Variants in EP300 observed in about 807,000 individuals in gnomAD.
The protein encoded by EP300 is histone acetyltransferase p300.
A neutral mutation model predicts 264.0 loss-of-function variants in EP300; 31 were observed. The ratio of observed to expected loss-of-function variants is 0.12; its 90% CI spans 0.09 to 0.16. The LOEUF (loss-of-function observed/expected upper bound fraction) is 0.16, where lower values mean the gene tolerates loss of function less well. Ranked by LOEUF, EP300 falls within the 10% of genes least tolerant of loss-of-function variation. The pLI, the probability that EP300 is intolerant of heterozygous loss-of-function variation, is 1.00. For missense variants in EP300, 2,766 were observed against 3,052.9 expected (o/e 0.91, Z 2.21); for synonymous variants, 1,340 against 1,045.4 (o/e 1.28, Z -5.44).
At chr22:41,109,549 T>C (rs568780569) in intron 1 of EP300, among the ~76,000 whole-genome samples, 6 of 152,314 alleles carry the variant, frequency 3.9e-5, no homozygotes, top group Admixed American at 3.3e-4. Flanking sequence ...CTCCTAATAG[T>C]GTAATGAGTC....
At chr22:41,171,563 C>T (rs912769930) in intron 27 of EP300, among the ~76,000 whole-genome samples, 4 of 151,910 alleles carry the variant, frequency 2.6e-5, no homozygotes, top group African/African-American at 7.3e-5. Flanking sequence ...TCTCAAACTC[C>T]TGAGCTCAAG....
intron 9 of EP300, 119 bp downstream of exon 9, chr22:41,140,376 C>G: frequency 1.3e-6 from 1 of 795,254 alleles, no homozygotes; most frequent in Non-Finnish European, 2.3e-6. Flanking sequence ...CTGTAGCTAT[C>G]CCGTCTTATT....
chr22:41,105,062 T>A (rs1388912442), intron 1 of EP300, among the ~76,000 whole-genome samples: 1 of 151,530 alleles, frequency 6.6e-6, no homozygotes, highest in African/African-American at 2.4e-5. Context: ...CCGGGCGTAG[T>A]GGCGGGCGCC....
intron 1 of EP300, among the ~76,000 whole-genome samples, chr22:41,097,377 A>C (rs1601585550): frequency 6.6e-6 from 1 of 152,164 alleles, no homozygotes; most frequent in East Asian, 1.9e-4. Flanking sequence ...GAGGGAGGAA[A>C]GGGTTTCTGC....
At chr22:41,124,803 T>G (rs545046397) in intron 2 of EP300, among the ~76,000 whole-genome samples, 1 of 152,296 alleles carries the variant, frequency 6.6e-6, no homozygotes, top group East Asian at 1.9e-4. Context: ...ATTAAAAGTA[T>G]TTCTAAAACA....
At chr22:41,142,461 G>C (rs1002163109) in intron 10 of EP300, among the ~76,000 whole-genome samples, 2 of 152,156 alleles carry the variant, frequency 1.3e-5, no homozygotes, top group African/African-American at 4.8e-5. Flanking sequence ...ATACATGGAG[G>C]CTGCCCAATA....
rs2059213395 is a variant in EP300, at chr22:41,178,081, G to A, written c.6370G>A (p.Val2124Ile). The stretch of plus-strand genomic sequence containing the variant: ...ACCTACCATGCCAGGTCAGCAGGGG[G>A]TCCACTCCAATCCAGCCATGCAGAA... ...QPPTMPGQQG[V>I]HSNPAMQNMN... Residue 2124 changes from valine (V) to isoleucine (I), a missense_variant, in exon 31 of 31, where the codon GTC (valine) becomes ATC (isoleucine). Coordinates refer to ENST00000263253, the MANE Select transcript of EP300 (RefSeq NM_001429.4). 2.5e-6 allele frequency: 4 copies of A among 1,614,108 alleles called. No individual in the cohort carries two copies. The highest frequency in any genetic ancestry group is 2.2e-5 in the South Asian group (2 of 91,076).
chr22:41,137,063 A>G (rs2058955092), intron 7 of EP300, among the ~76,000 whole-genome samples: 1 of 137,626 alleles, frequency 7.3e-6, no homozygotes, highest in Non-Finnish European at 1.6e-5. Flanking sequence ...CCATCTCAAG[A>G]AGGAAAAAAA....
intron 26 of EP300, 75 bp downstream of exon 26, chr22:41,169,691 A>G: frequency 1.2e-6 from 1 of 859,204 alleles, no homozygotes; most frequent in Non-Finnish European, 2.0e-6. Flanking sequence ...TAAATATGCA[A>G]ATATATAACT....
In EP300 at chr22:41,149,881, C is replaced by A. The variant is rs538738624; in HGVS notation, c.2500C>A (p.Pro834Thr). 7 of 1,614,074 alleles carry A rather than the reference C, an allele frequency of 4.3e-6. No homozygotes were observed. The Admixed American group carries it at 1.2e-4, about 27-fold the overall frequency. Residue 834 changes from proline to threonine, a missense_variant, in exon 14 of 31, where the codon CCT (proline) becomes ACT (threonine). Coordinates refer to ENST00000263253, the MANE Select transcript of EP300 (RefSeq NM_001429.4). ...AGCTCTTCATCAGAATTCACCCTCG[C>A]CTGTACCTAGTCGTACCCCCACCCC... ...QPALHQNSPS[P>T]VPSRTPTPHH...
At chr22:41,122,783 T>C (rs1032752839) in intron 2 of EP300, among the ~76,000 whole-genome samples, 2 of 152,054 alleles carry the variant, frequency 1.3e-5, no homozygotes, top group Admixed American at 6.6e-5. Flanking sequence ...AGGCCAGGCA[T>C]GGTGGGAGAT....
intron 1 of EP300, 129 bp downstream of exon 1, chr22:41,093,227 T>C (rs745723078): frequency 5.2e-6 from 5 of 958,238 alleles, no homozygotes; most frequent in Non-Finnish European, 7.9e-6. Context: ...TTAAAGGTAT[T>C]TGAATGAGCT....
At chr22:41,103,764 G>C (rs1406438952) in intron 1 of EP300, among the ~76,000 whole-genome samples, 1 of 152,160 alleles carries the variant, frequency 6.6e-6, no homozygotes, top group Non-Finnish European at 1.5e-5. Flanking sequence ...CTTAGCATCA[G>C]GATAAGAATT....
At chr22:41,128,181 G>A (rs995769432) in intron 4 of EP300, among the ~76,000 whole-genome samples, 14 of 152,066 alleles carry the variant, frequency 9.2e-5, no homozygotes, top group East Asian at 5.8e-4. Flanking sequence ...AAGGTTGGGC[G>A]CAGTGGCTCA....
chr22:41,123,560 G>C (rs1601602193), intron 2 of EP300, among the ~76,000 whole-genome samples: 2 of 152,208 alleles, frequency 1.3e-5, no homozygotes, highest in East Asian at 3.8e-4. Context: ...TAGTGTCTAT[G>C]TGTGCTTTTA....
In EP300 at chr22:41,115,763, A is replaced by G. The variant is rs568132627; in HGVS notation, c.95-1424A>G. 3.3e-5 allele frequency among the ~76,000 whole-genome samples: 5 copies of G among 152,328 alleles called. 1 individual carries two copies. In the South Asian group the frequency reaches 1.0e-3, roughly 32 times the overall value. ...TTTGTATGGTGAAGGAGCCAGAGGC[A>G]TGGTGTTGTACCCTATTCTGGCTAG... On this transcript the variant is annotated intron_variant, in intron 1 of 30. Coordinates refer to ENST00000263253, the MANE Select transcript of EP300 (RefSeq NM_001429.4).
intron 6 of EP300, among the ~76,000 whole-genome samples, chr22:41,134,713 A>C (rs2058940054): frequency 6.6e-6 from 1 of 152,120 alleles, no homozygotes; most frequent in African/African-American, 2.4e-5. Flanking sequence ...TTAAATAATT[A>C]TTGAGTGACG....
intron 11 of EP300, among the ~76,000 whole-genome samples, chr22:41,147,513 A>G (rs978398441): frequency 3.1e-4 from 47 of 152,026 alleles, no homozygotes; most frequent in African/African-American, 1.1e-3. Context: ...TGAGGCGGGC[A>G]GATCACAAGG....
Position 41,125,961 on chromosome 22 carries a change from C to G in EP300, c.827C>G (p.Thr276Arg), listed in dbSNP as rs747526162. The G allele has an allele frequency of 2.8e-5, 46 of 1,614,164 alleles. No homozygotes were observed. The highest frequency in any genetic ancestry group is 3.8e-5 in the Non-Finnish European group (45 of 1,180,024). The change falls in exon 3 of 31, where the codon ACA (threonine) becomes AGA (arginine). Residue 276 changes from threonine to arginine, a missense_variant. Thr to Arg is a moderately conservative substitution (Grantham distance 71). Transcript: ENST00000263253. ...GASGLGLQIQ[T>R]KTVLSNNLSP... ...AGTGGCCTTGGTCTCCAGATTCAGA[C>G]AAAAACTGTACTATCAAATAACTTA...
Sources: allele counts gnomAD v4.1 joint callset (sites outside exome capture counted in the v4.1 genomes callset), GRCh38; gene constraint gnomAD v4.1.1; transcripts MANE v1.5; gene names NCBI Gene and HGNC (gene_info 2026-07-23, HGNC 2026-07-21).